The following NPHP1 variants were observed in gnomAD, a reference collection of about 807,000 sequenced individuals.
NPHP1 encodes nephrocystin 1, also known as nephrocystin-1.
In NPHP1, 70 loss-of-function variants were observed where a neutral mutation model predicts 90.4. The observed-to-expected ratio is 0.77, with a 90% CI of 0.64 to 0.95. The LOEUF is 0.95. Ranked by LOEUF, NPHP1 falls within the 40% of genes least tolerant of loss-of-function variation. NPHP1 has a pLI of 0.00. For missense variants in NPHP1, 764 were observed against 795.9 expected, an observed-to-expected ratio of 0.96 and a Z score of 0.48; for synonymous variants, 256 against 271.7, an observed-to-expected ratio of 0.94 and a Z score of 0.57.
chr2:110,136,644 A>C (rs1299580430), intron 16 of NPHP1, among the ~76,000 whole-genome samples: 3 of 152,110 alleles, frequency 2.0e-5, no homozygotes, highest in East Asian at 3.8e-4. Flanking sequence ...TCAAGGAGAA[A>C]TACAAACCAC....
chr2:110,124,145 TAA>T, intron 19 of NPHP1, 82 bp from the exon 20 acceptor site: 1 of 1,529,934 alleles, frequency 6.5e-7, no homozygotes, highest in Non-Finnish European at 9.0e-7. Context: ...AAAAGCCACC[TAA>T]GAGGTAGGAT....
At chr2:110,162,414 G>C (rs981841945) in intron 9 of NPHP1, among the ~76,000 whole-genome samples, 1 of 152,012 alleles carries the variant, frequency 6.6e-6, no homozygotes, top group Non-Finnish European at 1.5e-5. Context: ...GAAAAGATGG[G>C]AATTTAGGGA....
chr2:110,134,879 T>C (rs1437419666), intron 16 of NPHP1, among the ~76,000 whole-genome samples: 2 of 152,106 alleles, frequency 1.3e-5, no homozygotes, highest in African/African-American at 2.4e-5. Context: ...AACATCATAC[T>C]CAGTGGTGAA....
chr2:110,184,679 G>GT (rs1559095130), intron 2 of NPHP1: 1 of 741,026 alleles, frequency 1.3e-6, no homozygotes, highest in Non-Finnish European at 2.5e-6. Context: ...TCCACTCATC[G>GT]TTTGAGATTT....
chr2:110,196,994 T>A (rs115192511), intron 2 of NPHP1, among the ~76,000 whole-genome samples: 1 of 152,016 alleles, frequency 6.6e-6, no homozygotes, highest in East Asian at 1.9e-4. Flanking sequence ...ATGGTTACAG[T>A]TGGAAGTCAT....
Position 110,123,722 on chromosome 2 carries a change from A to G in NPHP1, c.*69T>C, listed in dbSNP as rs966341912. ...AGTGACAGTGATTTTTGGTTCCATC[A>G]TTTTATTCACGTAATCGTGGAGGAT... On this transcript the variant is annotated 3_prime_UTR_variant, in exon 20 of 20. Coordinates refer to ENST00000445609, the MANE Select transcript of NPHP1 (RefSeq NM_001128178.3). 23 of 1,541,464 alleles carry G rather than the reference A, an allele frequency of 1.5e-5. No individual in the cohort carries two copies. The highest frequency in any genetic ancestry group is 2.0e-5 in the Non-Finnish European group (22 of 1,116,264).
chr2:110,204,937 T>C lies in NPHP1; in HGVS notation c.32A>G (p.Gln11Arg). The C allele has an allele frequency of 1.2e-6, 2 of 1,614,018 alleles. No homozygotes were observed. The highest frequency in any genetic ancestry group is 1.7e-6 in the Non-Finnish European group (2 of 1,179,936). Residue 11 changes from glutamine (Q) to arginine (R), a missense_variant, in exon 1 of 20, where the codon CAG (glutamine) becomes CGG (arginine). Gln to Arg is a conservative substitution (Grantham distance 43). Transcript: ENST00000445609. ...CTCCTGATTGCGGCGCCGCAGGGCC[T>C]GGAGAGGATCTCGCTGTCGTCTCGC... is the stretch of plus-strand genomic sequence containing the variant. MLARRQRDPL[Q>R]ALRRRNQELK...
At chr2:110,163,268 G>A (rs893803027) in intron 8 of NPHP1, 133 bp from the exon 9 acceptor site, 20 of 711,332 alleles carry the variant, frequency 2.8e-5, no homozygotes, top group South Asian at 1.6e-4. Context: ...AGAATAATAC[G>A]ATTTGGCCCC....
chr2:110,164,535 A>C (rs1388522258), intron 8 of NPHP1, 153 bp downstream of exon 8: 1 of 1,532,246 alleles, frequency 6.5e-7, no homozygotes, highest in South Asian at 1.1e-5. Flanking sequence ...GCACAGGCTT[A>C]GAAACCAGAA....
Position 110,143,656 on chromosome 2 carries a change from C to A in NPHP1, c.1430-15G>T. The stretch of plus-strand genomic sequence containing the variant: ...ACTGCCGTGTGCTTTTAAGAAAAAT[C>A]AAAAGTAACTCACGAAACTTTAAGT... On this transcript the variant is annotated splice_polypyrimidine_tract_variant and intron_variant, in intron 15 of 19. Transcript: ENST00000445609. 2 of 1,579,542 alleles carry A rather than the reference C, an allele frequency of 1.3e-6. No homozygotes were observed. Among genetic ancestry groups the A allele is most frequent in the South Asian group, 1.1e-5 (1 of 90,350 alleles).
intron 16 of NPHP1, among the ~76,000 whole-genome samples, chr2:110,137,378 T>A (rs1048219784): frequency 1.5e-4 from 23 of 151,840 alleles, no homozygotes; most frequent in African/African-American, 4.4e-4. Context: ...ACCATCAGAG[T>A]GAACAGGCAA....
At chr2:110,167,368 A>T (rs1404547106) in intron 6 of NPHP1, among the ~76,000 whole-genome samples, 2 of 152,124 alleles carry the variant, frequency 1.3e-5, no homozygotes, top group Non-Finnish European at 2.9e-5. Context: ...ACCTTCAAAG[A>T]GGGGAGAGGA....
chr2:110,203,195 C>G lies in NPHP1; in HGVS notation c.70-1701G>C, dbSNP rs189438713. 3.6e-4 allele frequency among the ~76,000 whole-genome samples: 54 copies of G among 152,068 alleles called. 2 individuals carry two copies. The East Asian group carries it at 7.0e-3, about 20-fold the overall frequency. On this transcript the variant is annotated intron_variant, in intron 1 of 19. Transcript: ENST00000445609. ...AACAGAAAACCAAATACCATATGTT[C>G]TCACTCGTTGAGTACACATGGACAT... is the stretch of plus-strand genomic sequence containing the variant.
chr2:110,144,481 T>C lies in NPHP1; in HGVS notation c.1429+12A>G, dbSNP rs555982997. The stretch of plus-strand genomic sequence containing the variant: ...TCTTTAAGGAAAGGAAGACAACACA[T>C]GAGAGCCATACCTCTTCTGGATATT... On this transcript the variant is annotated intron_variant, in intron 15 of 19. Coordinates refer to ENST00000445609, the MANE Select transcript of NPHP1 (RefSeq NM_001128178.3). 6.4e-7 allele frequency: 1 copy of C among 1,552,818 alleles called. No individual in the cohort carries two copies. Among genetic ancestry groups the C allele is most frequent in the African/African-American group, 1.4e-5 (1 of 73,874 alleles).
intron 1 of NPHP1, 140 bp downstream of exon 1, chr2:110,204,760 G>C: frequency 1.2e-6 from 1 of 802,852 alleles, no homozygotes; most frequent in South Asian, 1.4e-5. Context: ...TATGGGGTAA[G>C]GGGGCGTTAC....
intron 2 of NPHP1, among the ~76,000 whole-genome samples, chr2:110,196,768 T>C (rs1685194558): frequency 6.6e-6 from 1 of 152,094 alleles, no homozygotes; most frequent in African/African-American, 2.4e-5. Context: ...TGTCCAACAA[T>C]GATAGACTGG....
At position 110,199,411 on chromosome 2, in the gene NPHP1, T is replaced by TAA. The variant is rs59275167; in HGVS notation, c.143+2008_143+2009dup. On this transcript the variant is annotated intron_variant, in intron 2 of 19. Transcript: ENST00000445609. ...ATCATGACAGAGTGAGACTCCATCT[T>TAA]AAAAAAAAAAAAACCAATATGACTG... Among the ~76,000 whole-genome samples the TAA allele has an allele frequency of 2.1e-3, 285 of 137,564 alleles. 1 individual carries two copies. The highest frequency in any genetic ancestry group is 7.4e-3 in the African/African-American group (281 of 37,826). 90.2% of individuals were successfully genotyped at this position (137,564 alleles called of 152,430 possible). A position where few individuals can be genotyped will look rare whatever the true frequency, so the allele number is the denominator to read the frequency against.
At chr2:110,199,583 A>G (rs2104706962) in intron 2 of NPHP1, among the ~76,000 whole-genome samples, 1 of 152,112 alleles carries the variant, frequency 6.6e-6, no homozygotes, top group South Asian at 2.1e-4. Flanking sequence ...TGATTGTGCC[A>G]CTTCATTACA....
At chr2:110,141,345 T>C (rs73954619) in intron 16 of NPHP1, among the ~76,000 whole-genome samples, 4,595 of 152,256 alleles carry the variant, frequency 0.03, 237 homozygotes, top group African/African-American at 0.1. Context: ...TTTTATGTAT[T>C]TTCTTTCCAT....
Sources: allele counts gnomAD v4.1 joint callset (sites outside exome capture counted in the v4.1 genomes callset), GRCh38; gene constraint gnomAD v4.1.1; transcripts MANE v1.5; gene names NCBI Gene and HGNC (gene_info 2026-07-23, HGNC 2026-07-21).